Variants in SHISA6 observed in about 807,000 individuals in gnomAD.
SHISA6 encodes protein shisa-6.
In SHISA6, 22 loss-of-function variants were observed where a neutral mutation model predicts 47.9. The observed-to-expected ratio is 0.46, with a 90% CI of 0.33 to 0.66. SHISA6 has a LOEUF of 0.66. Among genes scored for constraint, SHISA6 ranks in the 30% least tolerant of loss-of-function variants. SHISA6 has a pLI of 0.02. For synonymous variants in SHISA6, 388 were observed against 337.8 expected (o/e 1.15, Z -1.63); for missense variants, 680 against 764.6 (o/e 0.89, Z 1.30).
intron 3 of SHISA6, among the ~76,000 whole-genome samples, chr17:11,385,690 T>C (rs554831145): frequency 6.6e-6 from 1 of 152,120 alleles, no homozygotes; most frequent in Admixed American, 6.5e-5. Context: ...TGAGTCGTGC[T>C]CTTCAGGTGA....
intron 2 of SHISA6, among the ~76,000 whole-genome samples, chr17:11,339,759 G>A (rs1215979845): frequency 2.0e-5 from 3 of 152,200 alleles, no homozygotes; most frequent in Non-Finnish European, 4.4e-5. Flanking sequence ...TGGGAGCCCA[G>A]GGGAGGATTC....
chr17:11,545,899 C>G (rs1171967987), intron 3 of SHISA6, among the ~76,000 whole-genome samples: 1 of 152,156 alleles, frequency 6.6e-6, no homozygotes, highest in Non-Finnish European at 1.5e-5. Context: ...AGAAAGAGAG[C>G]CAGGTGAAAG....
intron 2 of SHISA6, among the ~76,000 whole-genome samples, chr17:11,281,218 A>G (rs576294609): frequency 6.6e-6 from 1 of 152,294 alleles, no homozygotes; most frequent in South Asian, 2.1e-4. Context: ...CATACAGTCA[A>G]AGTGGTGACA....
chr17:11,255,234 C>G (rs959896809), intron 1 of SHISA6, among the ~76,000 whole-genome samples: 1 of 151,956 alleles, frequency 6.6e-6, no homozygotes, highest in Non-Finnish European at 1.5e-5. Context: ...TTTTGTGTAC[C>G]CTGCCCTTCT....
rs940990606 is a variant in SHISA6 at position 11,444,436 on chromosome 17, T to G, written c.895+64927T>G. On this transcript the variant is annotated intron_variant, in intron 3 of 5. Transcript: ENST00000441885. ...ATTTTCACCCACATTATATGGCACA[T>G]GTGAAATTCCCTTTGAGGGATTATG... Among the ~76,000 whole-genome samples the G allele has an allele frequency of 3.9e-5, 6 of 152,274 alleles. No homozygotes were observed. The South Asian group carries it at 1.2e-3, about 32-fold the overall frequency.
chr17:11,547,969 T>G (rs1017478055), intron 3 of SHISA6, among the ~76,000 whole-genome samples: 1 of 152,218 alleles, frequency 6.6e-6, no homozygotes, highest in African/African-American at 2.4e-5. Flanking sequence ...AAAGCTTGAA[T>G]GAATCACTAT....
intron 3 of SHISA6, among the ~76,000 whole-genome samples, chr17:11,541,056 C>T (rs979533641): frequency 2.6e-5 from 4 of 152,230 alleles, no homozygotes; most frequent in African/African-American, 9.6e-5. Context: ...TACTTCACTT[C>T]TCTGAACCTC....
At chr17:11,514,637 G>C (rs2071567715) in intron 3 of SHISA6, among the ~76,000 whole-genome samples, 1 of 152,156 alleles carries the variant, frequency 6.6e-6, no homozygotes, top group Non-Finnish European at 1.5e-5. Context: ...TTTGTGCTTT[G>C]TGCTCAAGGG....
chr17:11,544,346 A>C (rs567237784), intron 3 of SHISA6, among the ~76,000 whole-genome samples: 1 of 152,314 alleles, frequency 6.6e-6, no homozygotes, highest in Non-Finnish European at 1.5e-5. Context: ...GGATATAAAA[A>C]TAATTCTCAA....
intron 3 of SHISA6, among the ~76,000 whole-genome samples, chr17:11,517,780 C>T (rs2071597763): frequency 6.6e-6 from 1 of 152,092 alleles, no homozygotes; most frequent in Admixed American, 6.5e-5. Context: ...CTGGGATTTA[C>T]AGGCTTGAGC....
At chr17:11,381,910 C>G (rs2142247030) in intron 3 of SHISA6, among the ~76,000 whole-genome samples, 1 of 152,364 alleles carries the variant, frequency 6.6e-6, no homozygotes, top group South Asian at 2.1e-4. Flanking sequence ...CCGTTCCTTT[C>G]TCTACCAAGG....
intron 3 of SHISA6, among the ~76,000 whole-genome samples, chr17:11,456,621 C>G (rs72807176): frequency 6.6e-6 from 1 of 152,084 alleles, no homozygotes; most frequent in Non-Finnish European, 1.5e-5. Context: ...GTTCTTTGAA[C>G]CTCCTAAGTG....
intron 3 of SHISA6, among the ~76,000 whole-genome samples, chr17:11,529,192 C>G (rs1358981685): frequency 1.4e-5 from 2 of 140,036 alleles, no homozygotes. Context: ...GACTCCATCT[C>G]AAAAAAAAAA....
chr17:11,495,359 G>A (rs968422160), intron 3 of SHISA6, among the ~76,000 whole-genome samples: 4 of 152,134 alleles, frequency 2.6e-5, no homozygotes, highest in Non-Finnish European at 5.9e-5. Context: ...TTTGTGGGCT[G>A]TGTTCTCTAG....
At chr17:11,309,215 T>C (rs896929194) in intron 2 of SHISA6, among the ~76,000 whole-genome samples, 1 of 152,220 alleles carries the variant, frequency 6.6e-6, no homozygotes, top group Non-Finnish European at 1.5e-5. Context: ...TCCTTCTGCC[T>C]CAGCCTCCCA....
intron 3 of SHISA6, among the ~76,000 whole-genome samples, chr17:11,489,826 A>C (rs76956635): frequency 0.024 from 3,616 of 152,288 alleles, 155 homozygotes; most frequent in African/African-American, 0.082. Context: ...GTAAAAGTCA[A>C]GAATGTTGCT....
At chr17:11,521,662 G>T (rs967624593) in intron 3 of SHISA6, among the ~76,000 whole-genome samples, 2 of 152,138 alleles carry the variant, frequency 1.3e-5, no homozygotes, top group East Asian at 2.0e-4. Context: ...AATTAGCCAG[G>T]CAGAATGGCA....
chr17:11,242,698 G>C (rs909732037), intron 1 of SHISA6, among the ~76,000 whole-genome samples: 3 of 152,142 alleles, frequency 2.0e-5, no homozygotes, highest in Non-Finnish European at 4.4e-5. Flanking sequence ...AAACCCTGTA[G>C]GCAGAACTCT....
Position 11,241,482 on chromosome 17 carries a change from G to A in SHISA6, c.60G>A (p.Leu20=), listed in dbSNP as rs1202958232. The part of the protein sequence containing the change: ...LLLSLESLDL[L]PSVHGARGRA... Reference sequence around the variant, plus strand: ...TCTCGCTGGAGTCCCTGGACCTGCTGCCCAGCGTCCACGGAGCCCGCGGCC... The same window carrying A: ...TCTCGCTGGAGTCCCTGGACCTGCTACCCAGCGTCCACGGAGCCCGCGGCC... Residue 20 remains leucine, a synonymous_variant, in exon 1 of 6, where the codon CTG becomes CTA. Coordinates refer to ENST00000441885, the MANE Select transcript of SHISA6 (RefSeq NM_207386.4). The surrounding 1 kb of genome is among the most constrained non-coding windows in gnomAD (Gnocchi z 5.5). 1.7e-6 allele frequency: 2 copies of A among 1,181,956 alleles called. No homozygotes were observed. Among genetic ancestry groups the A allele is most frequent in the South Asian group, 2.0e-5 (1 of 51,198 alleles). 73.2% of individuals were successfully genotyped at this position (1,181,956 alleles called of 1,614,324 possible). A position where few individuals can be genotyped will look rare whatever the true frequency, so the allele number is the denominator to read the frequency against.
Sources: allele counts gnomAD v4.1 joint callset (sites outside exome capture counted in the v4.1 genomes callset), GRCh38; gene constraint gnomAD v4.1.1; non-coding constraint Gnocchi (gnomAD v3.1); transcripts MANE v1.5; gene names NCBI Gene and HGNC (gene_info 2026-07-23, HGNC 2026-07-21).